The following ZNG1E variants were observed in gnomAD, a reference collection of about 807,000 sequenced individuals.
ZNG1E encodes zinc-regulated GTPase metalloprotein activator 1E.
chr9:65,687,677 A>G, the ZNG1E span, among the ~76,000 whole-genome samples: 5,552 of 146,108 alleles, frequency 0.038, 1 homozygote, highest in Admixed American at 0.058. Context: ...TCGTTCCTGA[A>G]AAATAACTTG....
the ZNG1E span, among the ~76,000 whole-genome samples, chr9:65,714,961 G>A: frequency 3.3e-5 from 5 of 150,688 alleles, no homozygotes; most frequent in East Asian, 9.7e-4. Context: ...GTTTACCTAA[G>A]CAAGCCTGGG....
At chr9:65,664,759 T>C in the ZNG1E span, among the ~76,000 whole-genome samples, 62 of 152,246 alleles carry the variant, frequency 4.1e-4, no homozygotes, top group Non-Finnish European at 7.8e-4. Flanking sequence ...CCTAGAGACC[T>C]GTTGAACGAC....
chr9:65,669,467 AC>A, the ZNG1E span, among the ~76,000 whole-genome samples: 1 of 151,118 alleles, frequency 6.6e-6, no homozygotes, highest in Non-Finnish European at 1.5e-5. Context: ...TCTCTCCTAT[AC>A]TATTACACCA....
At chr9:65,660,515 G>A in the ZNG1E span, among the ~76,000 whole-genome samples, 1 of 152,268 alleles carries the variant, frequency 6.6e-6, no homozygotes, top group East Asian at 1.9e-4. Flanking sequence ...GAAGTGTGGG[G>A]AGATAGAAAT....
the ZNG1E span, among the ~76,000 whole-genome samples, chr9:65,666,140 G>C: frequency 6.7e-6 from 1 of 149,668 alleles, no homozygotes; most frequent in Non-Finnish European, 1.5e-5. Context: ...TAAAATGTGA[G>C]AACATGAGAT....
the ZNG1E span, among the ~76,000 whole-genome samples, chr9:65,660,524 A>G: frequency 6.6e-6 from 1 of 152,208 alleles, no homozygotes; most frequent in East Asian, 1.9e-4. Context: ...GGAGATAGAA[A>G]TGGTAGAGTG....
chr9:65,662,205 C>A, the ZNG1E span, among the ~76,000 whole-genome samples: 1 of 152,204 alleles, frequency 6.6e-6, no homozygotes, highest in African/African-American at 2.4e-5. Flanking sequence ...AAACATAAGA[C>A]AAATCCAAGT....
the ZNG1E span, among the ~76,000 whole-genome samples, chr9:65,666,943 C>A: frequency 1.6e-4 from 24 of 152,318 alleles, no homozygotes; most frequent in African/African-American, 5.8e-4. Context: ...GCCTCAGCCT[C>A]CCGAGTAGCT....
the ZNG1E span, chr9:65,732,968 G>A: frequency 3.1e-6 from 5 of 1,608,444 alleles, no homozygotes; most frequent in South Asian, 2.2e-5. Flanking sequence ...GCTGATCAAT[G>A]TTCAATCAAT....
At chr9:65,711,468 T>C in the ZNG1E span, among the ~76,000 whole-genome samples, 14 of 125,580 alleles carry the variant, frequency 1.1e-4, no homozygotes, top group African/African-American at 2.8e-4. Flanking sequence ...TTTGCCCATT[T>C]AGTATGATAT....
the ZNG1E span, chr9:65,719,921 A>T: frequency 7.6e-7 from 1 of 1,311,352 alleles, no homozygotes; most frequent in Non-Finnish European, 1.0e-6. Context: ...GTAAAATTGG[A>T]ATTACAGAAT....
the ZNG1E span, among the ~76,000 whole-genome samples, chr9:65,686,372 C>A: frequency 6.6e-6 from 1 of 152,204 alleles, no homozygotes; most frequent in East Asian, 1.9e-4. Context: ...CTCGGTGGCT[C>A]ATGCCTGTAA....
the ZNG1E span, among the ~76,000 whole-genome samples, chr9:65,691,308 C>G: frequency 6.7e-6 from 1 of 150,362 alleles, no homozygotes; most frequent in South Asian, 2.1e-4. Context: ...GTCTTGAACC[C>G]CTGACTTCAG....
chr9:65,671,686 G>A, the ZNG1E span, among the ~76,000 whole-genome samples: 1 of 152,034 alleles, frequency 6.6e-6, no homozygotes, highest in Non-Finnish European at 1.5e-5. Context: ...ATAGAGCAGA[G>A]GGGACTTCCT....
the ZNG1E span, among the ~76,000 whole-genome samples, chr9:65,705,413 C>T: frequency 1.3e-5 from 2 of 151,812 alleles, no homozygotes; most frequent in African/African-American, 2.4e-5. Flanking sequence ...GGAGATCAGT[C>T]ATTGGGGGGA....
the ZNG1E span, among the ~76,000 whole-genome samples, chr9:65,661,167 G>A: frequency 7.3e-6 from 1 of 137,496 alleles, no homozygotes; most frequent in Non-Finnish European, 1.5e-5. Context: ...CTTGGAGGGT[G>A]TGGGTAAGAC....
the ZNG1E span, among the ~76,000 whole-genome samples, chr9:65,675,151 G>C: frequency 6.6e-6 from 1 of 152,060 alleles, no homozygotes; most frequent in Admixed American, 6.6e-5. Context: ...ATCTTATGGG[G>C]CAGGCTGTGG....
At chr9:65,665,058 T>C in the ZNG1E span, among the ~76,000 whole-genome samples, 4 of 152,262 alleles carry the variant, frequency 2.6e-5, no homozygotes, top group African/African-American at 9.6e-5. Context: ...GCACAAAAGT[T>C]TGGAAAATTT....
the ZNG1E span, among the ~76,000 whole-genome samples, chr9:65,684,542 ACACGCACG>A: frequency 7.0e-6 from 1 of 141,962 alleles, no homozygotes; most frequent in African/African-American, 2.8e-5. Context: ...ATACACACAC[ACACGCACG>A]CACACACACA....
Sources: gnomAD v4.1 joint callset for allele counts (sites outside exome capture counted in the v4.1 genomes callset) on GRCh38, gnomAD v4.1.1 for gene constraint, MANE v1.5 for transcripts, NCBI Gene and HGNC (gene_info 2026-07-23, HGNC 2026-07-21) for gene names.